FAM107B: variants seen among roughly 807,000 people sequenced by gnomAD.
FAM107B encodes the protein family with sequence similarity 107 member B, also known as protein FAM107B.
FAM107B carries 21 observed loss-of-function variants against 31.5 expected under a neutral mutation model. The ratio of observed to expected loss-of-function variants is 0.67; its 90% CI spans 0.47 to 0.96. The LOEUF is 0.96. FAM107B is among the 40% of genes least tolerant of loss of function. The pLI is 0.00. For synonymous variants in FAM107B, 157 were observed against 141.5 expected, an observed-to-expected ratio of 1.11 and a Z score of -0.78; for missense variants, 452 against 377.1, an observed-to-expected ratio of 1.20 and a Z score of -1.64.
At chr10:14,691,891 C>CGT (rs765508071) in intron 1 of FAM107B, among the ~76,000 whole-genome samples, 1 of 103,344 alleles carries the variant, frequency 9.7e-6, no homozygotes, top group Admixed American at 9.4e-5. Flanking sequence ...GAGACTCTGT[C>CGT]ACAAAAAAAA....
chr10:14,718,866 T>C (rs1404067841), intron 1 of FAM107B, among the ~76,000 whole-genome samples: 2 of 152,236 alleles, frequency 1.3e-5, no homozygotes, highest in African/African-American at 4.8e-5. Context: ...GCTTTGAGTG[T>C]GCCTCTTCAC....
At chr10:14,666,149 C>G (rs1854398535) in intron 2 of FAM107B, among the ~76,000 whole-genome samples, 1 of 152,156 alleles carries the variant, frequency 6.6e-6, no homozygotes. Context: ...TAATAAACCA[C>G]AGATTAACAG....
intron 2 of FAM107B, among the ~76,000 whole-genome samples, chr10:14,590,585 T>C (rs1851983303): frequency 6.6e-6 from 1 of 152,218 alleles, no homozygotes; most frequent in Admixed American, 6.5e-5. Context: ...GCTACGATCA[T>C]GCTTCTTCCA....
chr10:14,774,440 T>G lies in FAM107B; in HGVS notation c.224A>C (p.Lys75Thr). ...RHPSAEGAPE[K>T]RQDSSTHAER... ...TGCATGGGTGCTCGAATCTTGCCTT[T>G]TCTCTGGAGCTCCTTCTGCGCTTGG... Residue 75 changes from lysine to threonine, a missense_variant, in exon 1 of 5, where the codon AAA becomes ACA. Physicochemically the swap from Lys to Thr is moderately conservative, Grantham distance 78. Coordinates refer to ENST00000181796, the MANE Select transcript of FAM107B (RefSeq NM_031453.4). The G allele has an allele frequency of 6.2e-7, 1 of 1,614,198 alleles. No individual in the cohort carries two copies. Among genetic ancestry groups the G allele is most frequent in the Non-Finnish European group, 8.5e-7 (1 of 1,180,022 alleles).
chr10:14,521,765 T>C (rs1845660882), intron 4 of FAM107B, 104 bp downstream of exon 4: 1 of 1,465,488 alleles, frequency 6.8e-7, no homozygotes, highest in South Asian at 1.4e-5. Flanking sequence ...TTTCATGGTA[T>C]AAATGTATAC....
At chr10:14,655,490 G>C (rs1208830474) in intron 2 of FAM107B, among the ~76,000 whole-genome samples, 1 of 152,182 alleles carries the variant, frequency 6.6e-6, no homozygotes, top group Non-Finnish European at 1.5e-5. Flanking sequence ...CGCAATCTTG[G>C]CCCACTGCAA....
intron 2 of FAM107B, among the ~76,000 whole-genome samples, chr10:14,617,456 T>C (rs1852882494): frequency 6.6e-6 from 1 of 152,152 alleles, no homozygotes; most frequent in Non-Finnish European, 1.5e-5. Context: ...CAGGAGACAC[T>C]GTCTTTTCAA....
At chr10:14,537,606 G>A (rs901124656) in intron 2 of FAM107B, among the ~76,000 whole-genome samples, 3 of 152,096 alleles carry the variant, frequency 2.0e-5, no homozygotes, top group African/African-American at 4.8e-5. Flanking sequence ...TTGGGAGGCC[G>A]AGGCGGGCGG....
intron 1 of FAM107B, among the ~76,000 whole-genome samples, chr10:14,739,651 G>A (rs181160424): frequency 6.6e-6 from 1 of 152,114 alleles, no homozygotes; most frequent in Non-Finnish European, 1.5e-5. Flanking sequence ...GCGAATAAAG[G>A]GAAAATATTT....
intron 1 of FAM107B, among the ~76,000 whole-genome samples, chr10:14,693,594 T>A (rs2688842): frequency 0.43 from 64,702 of 152,046 alleles, 14,135 homozygotes; most frequent in East Asian, 0.52. Context: ...TTTTGTTTAA[T>A]TTTGTGTGGC....
At chr10:14,758,873 G>GAAAAA (rs57967855) in intron 1 of FAM107B, among the ~76,000 whole-genome samples, 7 of 38,980 alleles carry the variant, frequency 1.8e-4, no homozygotes, top group Admixed American at 7.2e-4. Flanking sequence ...GACCCTCTCA[G>GAAAAA]AAAAAAAAAA....
intron 2 of FAM107B, among the ~76,000 whole-genome samples, chr10:14,611,604 G>C (rs1588657981): frequency 6.6e-6 from 1 of 150,632 alleles, no homozygotes; most frequent in Non-Finnish European, 1.5e-5. Context: ...GGACTAAAGA[G>C]ATCTGCCTGG....
At chr10:14,599,396 CTT>C (rs1227540395) in intron 2 of FAM107B, among the ~76,000 whole-genome samples, 1 of 152,224 alleles carries the variant, frequency 6.6e-6, no homozygotes, top group African/African-American at 2.4e-5. Context: ...AACCCCAAGA[CTT>C]TGCTGTGTGG....
chr10:14,589,602 T>C (rs1041015969), intron 2 of FAM107B, among the ~76,000 whole-genome samples: 4 of 152,080 alleles, frequency 2.6e-5, no homozygotes, highest in Admixed American at 1.3e-4. Context: ...AATGACTGAA[T>C]GAATCAGAAG....
intron 1 of FAM107B, among the ~76,000 whole-genome samples, chr10:14,762,799 CACAA>C (rs1305023028): frequency 2.4e-4 from 35 of 143,730 alleles, no homozygotes; most frequent in East Asian, 1.2e-3. Flanking sequence ...CACACACACA[CACAA>C]AAAGAACATG....
chr10:14,586,827 A>G (rs1172417473), intron 2 of FAM107B, among the ~76,000 whole-genome samples: 1 of 152,150 alleles, frequency 6.6e-6, no homozygotes, highest in East Asian at 1.9e-4. Flanking sequence ...TCCAGTATGG[A>G]CCCTCTACCC....
At chr10:14,617,737 C>G (rs951524876) in intron 2 of FAM107B, among the ~76,000 whole-genome samples, 1 of 131,248 alleles carries the variant, frequency 7.6e-6, no homozygotes, top group African/African-American at 2.9e-5. Context: ...CAACTAGAGA[C>G]AGTTTCAGGT....
chr10:14,563,227 T>C (rs1381080241), intron 2 of FAM107B, among the ~76,000 whole-genome samples: 1 of 152,224 alleles, frequency 6.6e-6, no homozygotes, highest in Non-Finnish European at 1.5e-5. Context: ...CAGACATTTC[T>C]CTCGTAACAA....
chr10:14,760,712 T>G (rs1392742746), intron 1 of FAM107B, among the ~76,000 whole-genome samples: 5 of 152,152 alleles, frequency 3.3e-5, no homozygotes, highest in African/African-American at 1.2e-4. Flanking sequence ...ATGAAGGATG[T>G]AATCTTGCAC....
Sources: allele counts gnomAD v4.1 joint callset (sites outside exome capture counted in the v4.1 genomes callset), GRCh38; gene constraint gnomAD v4.1.1; transcripts MANE v1.5; gene names NCBI Gene and HGNC (gene_info 2026-07-23, HGNC 2026-07-21).